GABRD: variants seen among roughly 807,000 people sequenced by gnomAD.
The protein encoded by GABRD is gamma-aminobutyric acid receptor subunit delta.
GABRD carries 25 observed loss-of-function variants against 47.3 expected under a neutral mutation model. The ratio of observed to expected loss-of-function variants is 0.53; its 90% CI spans 0.39 to 0.74. The LOEUF is 0.74. Among genes scored for constraint, GABRD ranks in the 30% least tolerant of loss-of-function variants. GABRD has a pLI of 0.00. For synonymous variants in GABRD, 314 were observed against 278.8 expected, an observed-to-expected ratio of 1.13 and a Z score of -1.26; for missense variants, 497 against 643.4, an observed-to-expected ratio of 0.77 and a Z score of 2.46.
intron 1 of GABRD, chr1:2,024,398 C>T (rs1658863525): frequency 1.3e-5 from 2 of 152,378 alleles, no homozygotes; most frequent in Admixed American, 6.5e-5. Context: ...CTGGGCCTTC[C>T]TGGGAGGAGA....
At chr1:2,027,814 G>T in intron 5 of GABRD, 155 bp downstream of exon 5, 1 of 737,784 alleles carries the variant, frequency 1.4e-6, no homozygotes, top group Non-Finnish European at 2.3e-6. Flanking sequence ...GAGGAGAAGG[G>T]GCCAGAAAGC....
chr1:2,029,591 T>C lies in GABRD; in HGVS notation c.888T>C (p.Ser296=). 6.2e-7 allele frequency: 1 copy of C among 1,613,060 alleles called. No homozygotes were observed. The highest frequency in any genetic ancestry group is 1.1e-5 in the South Asian group (1 of 91,080). Residue 296 remains serine, a synonymous_variant, in exon 8 of 9, where the codon AGT becomes AGC. Transcript: ENST00000378585. ...TGACGATGACCACGCTCATGGTCAGTGCCCGCTCCTCCCTGCCACGGGCAT... is the reference window on the plus strand; with the variant it reads ...TGACGATGACCACGCTCATGGTCAGCGCCCGCTCCTCCCTGCCACGGGCAT... ...TVLTMTTLMV[S]ARSSLPRASA... is the part of the protein sequence containing the mutation.
At position 2,029,802 on chromosome 1, in the gene GABRD, G is replaced by A. The variant is rs769505409; in HGVS notation, c.1059+40G>A. ...CCGAGCCAGGGACAGCACTGCTGGG[G>A]GCCCCAACCAGGACCCTTCAGCTGC... On this transcript the variant is annotated intron_variant, in intron 8 of 8. Coordinates refer to ENST00000378585, the MANE Select transcript of GABRD (RefSeq NM_000815.5). 1.0e-5 allele frequency: 16 copies of A among 1,588,004 alleles called. No individual in the cohort carries two copies. The African/African-American group carries it at 1.6e-4, about 16-fold the overall frequency.
At chr1:2,025,231 C>A (rs1658887022) in intron 2 of GABRD, 103 bp from the exon 3 acceptor site, 2 of 1,423,190 alleles carry the variant, frequency 1.4e-6, no homozygotes, top group South Asian at 1.2e-5. Flanking sequence ...GCTTCTCAGG[C>A]CATGATGGCC....
In GABRD at chr1:2,025,880, G is replaced by A. The variant is rs1352357097; in HGVS notation, c.470+142G>A. 9.0e-5 allele frequency: 61 copies of A among 675,912 alleles called. 1 individual carries two copies. In the South Asian group the frequency reaches 1.1e-3, roughly 12 times the overall value. 41.9% of individuals were successfully genotyped at this position (675,912 alleles called of 1,614,324 possible). A position where few individuals can be genotyped will look rare whatever the true frequency, so the allele number is the denominator to read the frequency against. Reference sequence around the variant, plus strand: ...GCGGGCGGAGGGGGGGGCAGAAGCTGCGCGGTTATTTATATCCCCCGCAGC... The same window carrying A: ...GCGGGCGGAGGGGGGGGCAGAAGCTACGCGGTTATTTATATCCCCCGCAGC... On this transcript the variant is annotated intron_variant, in intron 4 of 8. Transcript: ENST00000378585.
At chr1:2,025,766 G>A (rs1211190576) in intron 4 of GABRD, 28 bp downstream of exon 4, 1 of 1,595,202 alleles carries the variant, frequency 6.3e-7, no homozygotes, top group African/African-American at 1.4e-5. Context: ...CCGGACTCCG[G>A]GGGAGAGCCT....
chr1:2,029,250 C>A lies in GABRD; in HGVS notation c.831C>A (p.Pro277=). 6.4e-7 allele frequency: 1 copy of A among 1,563,878 alleles called. No homozygotes were observed. The highest frequency in any genetic ancestry group is 2.4e-5 in the East Asian group (1 of 41,968). The change falls in exon 7 of 9, where the codon CCC becomes CCA. Residue 277 remains proline (P), a synonymous_variant. Transcript: ENST00000378585. ...VSFWISQAAV[P]ARVSLGITTV... ...TCTGGATCAGCCAGGCGGCGGTGCC[C>A]GCCAGGGTGTCTCTAGGTACGGGGC...
In GABRD at chr1:2,030,243, G is replaced by A. The variant is rs376039954; in HGVS notation, c.1320G>A (p.Ala440=). The A allele has an allele frequency of 2.6e-5, 40 of 1,561,004 alleles. No homozygotes were observed. The highest frequency in any genetic ancestry group is 4.1e-5 in the African/African-American group (3 of 73,346). Residue 440 remains alanine, a synonymous_variant, in exon 9 of 9, where the codon GCG becomes GCA. Coordinates refer to ENST00000378585, the MANE Select transcript of GABRD (RefSeq NM_000815.5). ...YARAVFPAAF[A]AVNVIYWAAY... Reference sequence around the variant, plus strand: ...GCGCTGTGTTCCCTGCGGCGTTTGCGGCCGTCAATGTCATCTACTGGGCGG... The same window carrying A: ...GCGCTGTGTTCCCTGCGGCGTTTGCAGCCGTCAATGTCATCTACTGGGCGG...
intron 1 of GABRD, 186 bp from the exon 2 acceptor site, chr1:2,024,756 G>A (rs531839552): frequency 5.5e-6 from 3 of 542,024 alleles, no homozygotes; most frequent in African/African-American, 1.9e-5. Flanking sequence ...AGGACCTCCC[G>A]GGGTTCCCTG....
chr1:2,030,392 TG>T lies in GABRD; in HGVS notation c.*113del. The T allele has an allele frequency of 2.0e-6, 2 of 987,032 alleles. No individual in the cohort carries two copies. Among genetic ancestry groups the T allele is most frequent in the Non-Finnish European group, 2.8e-6 (2 of 711,400 alleles). The allele number at this position is 987,032 out of a possible 1,614,324, so 61.1% of individuals were successfully genotyped here. On this transcript the variant is annotated 3_prime_UTR_variant, in exon 9 of 9. Transcript: ENST00000378585. ...GCCTTCCCCTCTGCGTGTTTCGAAG[TG>T]GGATGACAGTCGGCCACGGAAAACA...
rs112494699 is a variant in GABRD, at chr1:2,020,498, G to T, written c.68+1007G>T. On this transcript the variant is annotated intron_variant, in intron 1 of 8. Coordinates refer to ENST00000378585, the MANE Select transcript of GABRD (RefSeq NM_000815.5). The stretch of plus-strand genomic sequence containing the variant: ...GAGTTTTCCCATTGGAGGTGCGGGG[G>T]ACAGAGCCCAGAAGGCCTGGGTCCA... 3.2e-3 allele frequency among the ~76,000 whole-genome samples: 480 copies of T among 152,360 alleles called. 4 individuals carry two copies. Among genetic ancestry groups the T allele is most frequent in the African/African-American group, 0.011 (456 of 41,590 alleles).
chr1:2,029,520 C>T, intron 7 of GABRD, 31 bp from the exon 8 acceptor site: 1 of 1,608,712 alleles, frequency 6.2e-7, no homozygotes, highest in Non-Finnish European at 8.5e-7. Context: ...GAGGGCAGGG[C>T]TACGACAATG....
chr1:2,028,023 G>C lies in GABRD; in HGVS notation c.554-132G>C. The C allele has an allele frequency of 9.7e-7, 1 of 1,035,648 alleles. No homozygotes were observed. The allele number at this position is 1,035,648 out of a possible 1,614,324, so 64.2% of individuals were successfully genotyped here. On this transcript the variant is annotated intron_variant, in intron 5 of 8. Coordinates refer to ENST00000378585, the MANE Select transcript of GABRD (RefSeq NM_000815.5). This position sits in a 1 kb window ranked among gnomAD's most constrained non-coding sequence, Gnocchi z 6.4. ...AGAGCCGAAGGTCTCCTCGCTCCTG[G>C]CTGGGGTCCTGCTCGGTCCCCATCA...
intron 4 of GABRD, chr1:2,026,586 A>G (rs543965353): frequency 1.3e-5 from 2 of 152,366 alleles, no homozygotes; most frequent in East Asian, 3.9e-4. Context: ...CTGTAATCCC[A>G]GCACTTTGGG....
At chr1:2,029,419 C>T (rs896098627) in intron 7 of GABRD, 132 bp from the exon 8 acceptor site, 118 of 1,419,978 alleles carry the variant, frequency 8.3e-5, no homozygotes, top group Non-Finnish European at 1.0e-4. Context: ...GTCAGGGAAA[C>T]AGGACCTGCT....
At chr1:2,025,274 C>A in intron 2 of GABRD, 60 bp from the exon 3 acceptor site, 1 of 1,591,440 alleles carries the variant, frequency 6.3e-7, no homozygotes, top group Non-Finnish European at 8.6e-7. Context: ...GGCAGGGTCC[C>A]ATCGTGGCTC....
At chr1:2,022,326 G>T (rs776821080) in intron 1 of GABRD, 1 of 152,218 alleles carries the variant, frequency 6.6e-6, no homozygotes, top group Non-Finnish European at 1.5e-5. Flanking sequence ...GGCATGAAGC[G>T]CACGCCCCCG....
intron 4 of GABRD, chr1:2,027,132 C>T (rs1658949541): frequency 3.3e-5 from 10 of 304,056 alleles, no homozygotes; most frequent in Non-Finnish European, 6.3e-5. Flanking sequence ...CACTGCACTC[C>T]AGCTTGGGTG....
intron 1 of GABRD, among the ~76,000 whole-genome samples, chr1:2,021,326 G>T (rs546111153): frequency 5.7e-4 from 87 of 152,298 alleles, no homozygotes; most frequent in African/African-American, 2.0e-3. Context: ...TCCCCAGGGT[G>T]GAAGCACCTG....
Sources: allele counts gnomAD v4.1 joint callset (sites outside exome capture counted in the v4.1 genomes callset), GRCh38; gene constraint gnomAD v4.1.1; non-coding constraint Gnocchi (gnomAD v3.1); transcripts MANE v1.5; gene names NCBI Gene and HGNC (gene_info 2026-07-23, HGNC 2026-07-21).